The following STAT6 variants were observed in gnomAD, a reference collection of about 807,000 sequenced individuals.
STAT6 encodes the protein STAT, interleukin4-induced.
Under a neutral mutation model 106.3 loss-of-function variants are expected in STAT6, and 45 were observed. The observed-to-expected ratio is 0.42, with a 90% CI of 0.33 to 0.54. The LOEUF is 0.54. STAT6 is among the 20% of genes least tolerant of loss of function. STAT6 has a pLI of 0.06. For missense variants in STAT6, 797 were observed against 1,062.2 expected (o/e 0.75, Z 3.47); for synonymous variants, 413 against 413.6 (o/e 1.00, Z 0.02).
intron 19 of STAT6, chr12:57,097,343 C>T (rs2033514727): frequency 2.5e-6 from 1 of 399,898 alleles, no homozygotes; most frequent in South Asian, 1.1e-4. Context: ...TCTAATGTTT[C>T]TTTGGACTCT....
chr12:57,108,285 G>A lies in STAT6; in HGVS notation c.-7C>T, dbSNP rs751566663. ...CCAGACCCCACAGAGACATGATCTGGGACTTGGAGGTTGCCTGGAGGAGAA... is the reference window on the plus strand; with the variant it reads ...CCAGACCCCACAGAGACATGATCTGAGACTTGGAGGTTGCCTGGAGGAGAA... On this transcript the variant is annotated 5_prime_UTR_variant, in exon 2 of 22. Transcript: ENST00000300134. The A allele has an allele frequency of 6.3e-7, 1 of 1,583,834 alleles. No individual in the cohort carries two copies. Among genetic ancestry groups the A allele is most frequent in the Admixed American group, 1.7e-5 (1 of 58,858 alleles).
intron 1 of STAT6, chr12:57,109,939 A>C (rs1285589958): frequency 6.6e-6 from 1 of 151,726 alleles, no homozygotes; most frequent in Non-Finnish European, 1.5e-5. Context: ...TCAGCCTCTC[A>C]CCTCTCCCAG....
chr12:57,109,264 G>A (rs1367253410), intron 1 of STAT6, among the ~76,000 whole-genome samples: 1 of 152,178 alleles, frequency 6.6e-6, no homozygotes, highest in Non-Finnish European at 1.5e-5. Flanking sequence ...AGATGATGAA[G>A]AGGATGGGAG....
intron 11 of STAT6, chr12:57,103,973 A>G (rs1331997378): frequency 6.4e-6 from 1 of 157,278 alleles, no homozygotes; most frequent in Non-Finnish European, 1.4e-5. Flanking sequence ...ATGCCATGTT[A>G]TTAAATGCGT....
intron 11 of STAT6, 44 bp from the exon 12 acceptor site, chr12:57,102,965 C>CA (rs2034037304): frequency 6.9e-6 from 2 of 289,636 alleles, no homozygotes; most frequent in African/African-American, 1.2e-4. Context: ...TCTTTCTTTC[C>CA]TTTTTTTTTT....
rs2033690962 is a variant in STAT6 at position 57,099,707 on chromosome 12, C to T, written c.1744+60G>A. ...TCAGGAAGGTCAGGACATTTCATTCCCAGAAGAAACCCCAGAGGGCACAGG... is the reference window on the plus strand; with the variant it reads ...TCAGGAAGGTCAGGACATTTCATTCTCAGAAGAAACCCCAGAGGGCACAGG... On this transcript the variant is annotated intron_variant, in intron 15 of 21. Coordinates refer to ENST00000300134, the MANE Select transcript of STAT6 (RefSeq NM_003153.5). The surrounding 1 kb of genome is among the most constrained non-coding windows in gnomAD (Gnocchi z 4.7). The T allele has an allele frequency of 6.2e-7, 1 of 1,604,714 alleles. No homozygotes were observed. The highest frequency in any genetic ancestry group is 1.3e-5 in the African/African-American group (1 of 74,608).
rs768613456 is a variant in STAT6, at chr12:57,098,828, T to C, written c.2030A>G (p.Asp677Gly). Residue 677 changes from aspartate to glycine, a missense_variant, in exon 18 of 22, where the codon GAT becomes GGT. Physicochemically the swap from Asp to Gly is moderately conservative, Grantham distance 94. Around this residue, in one of 4 missense-constraint regions of STAT6, gnomAD observed 226 missense variants for 236.7 expected, o/e 0.95. Coordinates refer to ENST00000300134, the MANE Select transcript of STAT6 (RefSeq NM_003153.5). ...VPSYDLGMAP[D>G]SSMSMQLGPD... ...GCCAAGCTGCATGCTCATGGAGGAATCAGGGGCCATTCCAAGGTCATAAGA... is the reference window on the plus strand; with the variant it reads ...GCCAAGCTGCATGCTCATGGAGGAACCAGGGGCCATTCCAAGGTCATAAGA... 2 of 1,613,380 alleles carry C rather than the reference T, an allele frequency of 1.2e-6. No individual in the cohort carries two copies. Among genetic ancestry groups the C allele is most frequent in the Non-Finnish European group, 1.7e-6 (2 of 1,179,798 alleles).
chr12:57,108,648 G>A (rs913020305), intron 1 of STAT6, among the ~76,000 whole-genome samples: 2 of 152,210 alleles, frequency 1.3e-5, no homozygotes, highest in East Asian at 1.9e-4. Context: ...TGTGGGCTTC[G>A]ATCTTCTCAT....
At chr12:57,105,976 G>T in intron 7 of STAT6, 1 of 747,634 alleles carries the variant, frequency 1.3e-6, no homozygotes, top group Non-Finnish European at 2.1e-6. Context: ...AGCCTGGGTT[G>T]GATGAGTCCC....
At chr12:57,104,154 G>A in intron 11 of STAT6, 1 of 352,476 alleles carries the variant, frequency 2.8e-6, no homozygotes, top group East Asian at 6.0e-5. Context: ...TGATAATACT[G>A]CCTACCTCAT....
Position 57,098,849 on chromosome 12 carries a change from TAAG to T in STAT6, c.2006_2008del (p.Ser669del). ...GGAATCAGGGGCCATTCCAAGGTCA[TAAG>T]AAGGCACCATGGTAGGCATCTGGAG... On this transcript the variant is annotated inframe_deletion, in exon 18 of 22. Coordinates refer to ENST00000300134, the MANE Select transcript of STAT6 (RefSeq NM_003153.5). 6.2e-7 allele frequency: 1 copy of T among 1,613,422 alleles called. No individual in the cohort carries two copies. The highest frequency in any genetic ancestry group is 8.5e-7 in the Non-Finnish European group (1 of 1,179,786).
chr12:57,105,915 A>G (rs76522381), intron 7 of STAT6: 8,745 of 640,114 alleles, frequency 0.014, 98 homozygotes, highest in Non-Finnish European at 0.018. Context: ...CACCCAATAA[A>G]CCAAATGGAA....
At chr12:57,100,680 GAAAGAAAGAAAGAAAGAA>G (rs1565684277) in intron 13 of STAT6, among the ~76,000 whole-genome samples, 1,481 of 56,556 alleles carry the variant, frequency 0.026, 17 homozygotes, top group Middle Eastern at 0.054. Context: ...AAGAAAGAAA[GAAAGAAAGAAAGAAAGAA>G]AGAGAAAGAA....
chr12:57,099,803 C>T lies in STAT6; in HGVS notation c.1708G>A (p.Gly570Ser). Reference sequence around the variant, plus strand: ...CGGATGACATGGGCAATGGTGATGCCCCCAATCTCTGAGTCGCTGAAGCGG... The same window carrying T: ...CGGATGACATGGGCAATGGTGATGCTCCCAATCTCTGAGTCGCTGAAGCGG... ...LLRFSDSEIG[G>S]ITIAHVIRGQ... Residue 570 changes from glycine to serine, a missense_variant, in exon 15 of 22, where the codon GGC (glycine) becomes AGC (serine). Gly to Ser is a moderately conservative substitution (Grantham distance 56, BLOSUM62 0). This residue lies in a region of STAT6 where 222 missense variants were observed against 354.6 expected (regional missense o/e 0.63). Transcript: ENST00000300134. This position sits in a 1 kb window ranked among gnomAD's most constrained non-coding sequence, Gnocchi z 4.7. 1 of 1,614,124 alleles carries T rather than the reference C, an allele frequency of 6.2e-7. No homozygotes were observed. The highest frequency in any genetic ancestry group is 8.5e-7 in the Non-Finnish European group (1 of 1,180,024).
intron 1 of STAT6, among the ~76,000 whole-genome samples, chr12:57,108,891 G>C (rs1226296338): frequency 6.6e-6 from 1 of 152,158 alleles, no homozygotes; most frequent in Non-Finnish European, 1.5e-5. Flanking sequence ...AGGACTCCAT[G>C]AGATAATTTG....
chr12:57,106,407 T>C, intron 6 of STAT6, 68 bp from the exon 7 acceptor site: 1 of 1,608,950 alleles, frequency 6.2e-7, no homozygotes, highest in South Asian at 1.1e-5. Context: ...GGGATACGGC[T>C]CTTTTTCTCA....
chr12:57,097,032 G>A, intron 20 of STAT6, 36 bp downstream of exon 20: 3 of 1,593,892 alleles, frequency 1.9e-6, no homozygotes, highest in Non-Finnish European at 2.6e-6. Flanking sequence ...CAGGAAAGAA[G>A]AGGCACATGG....
At chr12:57,110,659 G>A (rs967890262) in intron 1 of STAT6, 6 of 152,168 alleles carry the variant, frequency 3.9e-5, no homozygotes, top group Non-Finnish European at 8.8e-5. Flanking sequence ...GTTTTGAGGG[G>A]GAAATTCCCC....
chr12:57,099,214 C>A lies in STAT6; in HGVS notation c.1891+80G>T. On this transcript the variant is annotated intron_variant, in intron 16 of 21. Coordinates refer to ENST00000300134, the MANE Select transcript of STAT6 (RefSeq NM_003153.5). The surrounding 1 kb of genome is among the most constrained non-coding windows in gnomAD (Gnocchi z 4.7). ...TAGGGAGTGACATCAGGATGACACG[C>A]GGGCAGGGAGAGGAGGGCAGCGGGG... The A allele has an allele frequency of 6.2e-7, 1 of 1,600,138 alleles. No individual in the cohort carries two copies. Among genetic ancestry groups the A allele is most frequent in the South Asian group, 1.1e-5 (1 of 90,598 alleles).
Sources: gnomAD v4.1 joint callset for allele counts (sites outside exome capture counted in the v4.1 genomes callset) on GRCh38, gnomAD v4.1.1 for gene constraint, gnomAD v4.1.1 regional missense constraint, Gnocchi (gnomAD v3.1) non-coding constraint, MANE v1.5 for transcripts, NCBI Gene and HGNC (gene_info 2026-07-23, HGNC 2026-07-21) for gene names.